PPL: variants seen among roughly 807,000 people sequenced by gnomAD.
The protein encoded by PPL is periplakin, also known as 190 kDa paraneoplastic pemphigus antigen.
A neutral mutation model predicts 194.4 loss-of-function variants in PPL; 198 were observed. The ratio of observed to expected loss-of-function variants is 1.02; its 90% CI spans 0.91 to 1.15. PPL has a LOEUF of 1.15. PPL is among the 50% of genes most tolerant of loss of function. PPL has a pLI of 0.00. For synonymous variants in PPL, 1,220 were observed against 972.4 expected (o/e 1.25, Z -4.74); for missense variants, 2,885 against 2,294.8 (o/e 1.26, Z -5.25).
chr16:4,892,029 A>T lies in PPL; in HGVS notation c.1829+6T>A, dbSNP rs772107224. On this transcript the variant is annotated splice_donor_region_variant and intron_variant, in intron 15 of 21. Transcript: ENST00000345988. ...CCAACCTCCATGCTGCCTGTCTGCCACCCACTTCTCCTGGGCCAAGTCCAG... is the reference window on the plus strand; with the variant it reads ...CCAACCTCCATGCTGCCTGTCTGCCTCCCACTTCTCCTGGGCCAAGTCCAG... The T allele has an allele frequency of 1.9e-6, 3 of 1,612,438 alleles. No homozygotes were observed. The highest frequency in any genetic ancestry group is 2.5e-6 in the Non-Finnish European group (3 of 1,179,128).
In PPL at chr16:4,887,058, C is replaced by T. The variant is rs956509344; in HGVS notation, c.2607+77G>A. 8.8e-6 allele frequency: 11 copies of T among 1,246,420 alleles called. No homozygotes were observed. In the African/African-American group the frequency reaches 1.6e-4, roughly 18 times the overall value. 77.2% of individuals were successfully genotyped at this position (1,246,420 alleles called of 1,614,324 possible). ...GGGACACTTCCATCAATTCACAAACCATTTCTCTAAGACAGAGTCTGTATT... is the reference window on the plus strand; with the variant it reads ...GGGACACTTCCATCAATTCACAAACTATTTCTCTAAGACAGAGTCTGTATT... On this transcript the variant is annotated intron_variant, in intron 21 of 21. Coordinates refer to ENST00000345988, the MANE Select transcript of PPL (RefSeq NM_002705.5).
At chr16:4,889,095 A>C in intron 18 of PPL, 34 bp from the exon 19 acceptor site, 1 of 1,595,532 alleles carries the variant, frequency 6.3e-7, no homozygotes, top group Non-Finnish European at 8.6e-7. Flanking sequence ...AAAACTAACC[A>C]GAAAAAAAAT....
At chr16:4,934,773 G>A (rs1243618331) in intron 1 of PPL, among the ~76,000 whole-genome samples, 1 of 152,188 alleles carries the variant, frequency 6.6e-6, no homozygotes, top group African/African-American at 2.4e-5. Flanking sequence ...TTGCTATGGG[G>A]CTGGCTGGGC....
intron 2 of PPL, among the ~76,000 whole-genome samples, chr16:4,909,369 C>A (rs1467677268): frequency 6.6e-6 from 1 of 151,574 alleles, no homozygotes; most frequent in Admixed American, 6.6e-5. Context: ...GCCGGGTAGA[C>A]CTTGACCTCC....
At chr16:4,911,739 T>C (rs917867395) in intron 1 of PPL, among the ~76,000 whole-genome samples, 2 of 152,014 alleles carry the variant, frequency 1.3e-5, no homozygotes, top group Non-Finnish European at 2.9e-5. Flanking sequence ...GGTTTCACCA[T>C]GTCACCCAGG....
In PPL at chr16:4,902,541, G is replaced by A; in HGVS notation, c.318-15C>T. 1 of 1,610,884 alleles carries A rather than the reference G, an allele frequency of 6.2e-7. No individual in the cohort carries two copies. The highest frequency in any genetic ancestry group is 8.5e-7 in the Non-Finnish European group (1 of 1,178,432). On this transcript the variant is annotated splice_polypyrimidine_tract_variant and intron_variant, in intron 3 of 21. Coordinates refer to ENST00000345988, the MANE Select transcript of PPL (RefSeq NM_002705.5). The surrounding 1 kb of genome is among the most constrained non-coding windows in gnomAD (Gnocchi z 4.0). Reference sequence around the variant, plus strand: ...GCTGGCGGATACTGATGGGAGAGAGGCTCCCACTTAGTGGGGCTGGTTGGC... The same window carrying A: ...GCTGGCGGATACTGATGGGAGAGAGACTCCCACTTAGTGGGGCTGGTTGGC...
At chr16:4,936,923 A>G in intron 1 of PPL, 61 bp downstream of exon 1, 1 of 1,507,862 alleles carries the variant, frequency 6.6e-7, no homozygotes, top group Non-Finnish European at 9.0e-7. Context: ...GAGGTCTTCC[A>G]GGTCCTGTGC....
chr16:4,887,841 C>T (rs1034645078), intron 20 of PPL, among the ~76,000 whole-genome samples: 1 of 152,204 alleles, frequency 6.6e-6, no homozygotes, highest in Non-Finnish European at 1.5e-5. Flanking sequence ...AGCAGTTCTC[C>T]CACCTCGGCC....
intron 18 of PPL, among the ~76,000 whole-genome samples, chr16:4,889,346 C>T (rs1428870866): frequency 1.4e-5 from 2 of 144,256 alleles, no homozygotes; most frequent in African/African-American, 2.6e-5. Flanking sequence ...CCTTAGCCTC[C>T]TGGGTTCAAG....
intron 1 of PPL, among the ~76,000 whole-genome samples, chr16:4,936,578 C>G (rs949151954): frequency 6.6e-6 from 1 of 152,220 alleles, no homozygotes; most frequent in Non-Finnish European, 1.5e-5. Context: ...AGCGACCCCG[C>G]CTTGAGTGCC....
intron 2 of PPL, 52 bp downstream of exon 2, chr16:4,910,798 C>G (rs2088802991): frequency 6.8e-7 from 1 of 1,462,974 alleles, no homozygotes; most frequent in Non-Finnish European, 9.6e-7. Flanking sequence ...TGGTCCTGAA[C>G]AGGGCTGGCA....
At position 4,885,159 on chromosome 16, in the gene PPL, C is replaced by T. The variant is rs772318618; in HGVS notation, c.3496G>A (p.Ala1166Thr). 33 of 1,613,984 alleles carry T rather than the reference C, an allele frequency of 2.0e-5. No homozygotes were observed. Among genetic ancestry groups the T allele is most frequent in the Admixed American group, 6.7e-5 (4 of 60,008 alleles). ...ACCTTCTCCTGCACCACCACTTTGG[C>T]GTTCTCCTCCTCCAAGGCCCATATC... is the stretch of plus-strand genomic sequence containing the variant. ...RKIWALEEEN[A>T]KVVVQEKVRE... The change falls in exon 22 of 22, where the codon GCC (alanine) becomes ACC (threonine). Residue 1166 changes from alanine (A) to threonine (T), a missense_variant. By Grantham distance (58) the Ala-to-Thr change is moderately conservative. Transcript: ENST00000345988. The surrounding 1 kb of genome is among the most constrained non-coding windows in gnomAD (Gnocchi z 6.3).
intron 14 of PPL, 121 bp downstream of exon 14, chr16:4,893,092 C>G: frequency 7.7e-7 from 1 of 1,290,404 alleles, no homozygotes; most frequent in East Asian, 2.6e-5. Context: ...AGCAGGCTGT[C>G]CCTGACAGAC....
At chr16:4,914,282 G>A (rs1322883088) in intron 1 of PPL, among the ~76,000 whole-genome samples, 1 of 152,126 alleles carries the variant, frequency 6.6e-6, no homozygotes, top group African/African-American at 2.4e-5. Context: ...TCAGATTCCC[G>A]GCCACTAACC....
rs2088500189 is a variant in PPL, at chr16:4,899,286, G to A, written c.705C>T (p.Gly235=). 3 of 1,613,816 alleles carry A rather than the reference G, an allele frequency of 1.9e-6. No individual in the cohort carries two copies. The highest frequency in any genetic ancestry group is 2.5e-6 in the Non-Finnish European group (3 of 1,179,998). The change falls in exon 7 of 22, where the codon GGC becomes GGT. Residue 235 remains glycine, a synonymous_variant. Transcript: ENST00000345988. ...ELYWLDQQAK[G]RMQYDWSDRN... ...GGTCACTCCAGTCGTACTGCATGCG[G>A]CCCTTGGCCTGCTGGTCCAGCCAGT...
intron 2 of PPL, among the ~76,000 whole-genome samples, chr16:4,909,845 A>G (rs915757040): frequency 2.0e-5 from 3 of 152,214 alleles, no homozygotes; most frequent in African/African-American, 7.2e-5. Context: ...CCTTTCCCTA[A>G]TAACACATGG....
At chr16:4,910,781 C>T (rs1222417992) in intron 2 of PPL, 69 bp downstream of exon 2, 19 of 1,345,156 alleles carry the variant, frequency 1.4e-5, no homozygotes, top group Non-Finnish European at 1.9e-5. Context: ...CGATTCCAAA[C>T]AGATCCTGGT....
At chr16:4,932,197 G>A (rs1429395309) in intron 1 of PPL, among the ~76,000 whole-genome samples, 2 of 151,760 alleles carry the variant, frequency 1.3e-5, no homozygotes, top group South Asian at 2.1e-4. Context: ...CTGCATGGCA[G>A]GCCCGCTGTC....
At chr16:4,920,358 AGAAAGAAAGAAAG>A in intron 1 of PPL, among the ~76,000 whole-genome samples, 1 of 71,846 alleles carries the variant, frequency 1.4e-5, no homozygotes, top group East Asian at 3.9e-4. Flanking sequence ...AAAGAAAGAA[AGAAAGAAAGAAAG>A]GACACCTCGG....
Sources: allele counts gnomAD v4.1 joint callset (sites outside exome capture counted in the v4.1 genomes callset), GRCh38; gene constraint gnomAD v4.1.1; non-coding constraint Gnocchi (gnomAD v3.1); transcripts MANE v1.5; gene names NCBI Gene and HGNC (gene_info 2026-07-23, HGNC 2026-07-21).